The following MAST4 variants were observed in gnomAD, a reference collection of about 807,000 sequenced individuals.
MAST4 encodes microtubule associated serine/threonine kinase family member 4.
Under a neutral mutation model 162.7 loss-of-function variants are expected in MAST4, and 89 were observed. The observed-to-expected ratio is 0.55, with a 90% CI of 0.46 to 0.65. MAST4 has a LOEUF of 0.65. MAST4 is among the 30% of genes least tolerant of loss of function. MAST4 has a pLI of 0.00. For synonymous variants in MAST4, 1,479 were observed against 1,361.1 expected (o/e 1.09, Z -1.91); for missense variants, 3,153 against 3,374.0 (o/e 0.93, Z 1.62).
At chr5:66,774,931 G>A (rs2149645771) in intron 2 of MAST4, among the ~76,000 whole-genome samples, 1 of 152,100 alleles carries the variant, frequency 6.6e-6, no homozygotes, top group Non-Finnish European at 1.5e-5. Flanking sequence ...CATAGGTACA[G>A]GCATGGTATG....
chr5:66,806,895 T>A (rs1459363112), intron 3 of MAST4, among the ~76,000 whole-genome samples: 1 of 152,166 alleles, frequency 6.6e-6, no homozygotes, highest in East Asian at 1.9e-4. Context: ...TTTGGCTTTC[T>A]CTCTAACCCC....
chr5:66,700,308 A>G (rs928346649), intron 1 of MAST4, among the ~76,000 whole-genome samples: 2 of 152,190 alleles, frequency 1.3e-5, no homozygotes, highest in Admixed American at 6.5e-5. Context: ...TTATCACTCC[A>G]TTGTAACCCC....
intron 24 of MAST4, among the ~76,000 whole-genome samples, chr5:67,151,383 C>T (rs1439197874): frequency 1.3e-5 from 2 of 152,178 alleles, no homozygotes; most frequent in African/African-American, 4.8e-5. Context: ...TCTGCAGCCT[C>T]TTGTATAAGG....
intron 1 of MAST4, among the ~76,000 whole-genome samples, chr5:66,739,275 G>C (rs1047945918): frequency 3.9e-5 from 6 of 152,116 alleles, no homozygotes; most frequent in Admixed American, 2.6e-4. Context: ...TCCTTCCTTA[G>C]AGGACACCCA....
rs530265181 is a variant in MAST4, at chr5:67,036,171, A to G, written c.675-18233A>G. Among the ~76,000 whole-genome samples, 71 of 152,316 alleles carry G rather than the reference A, an allele frequency of 4.7e-4. No individual in the cohort carries two copies. The South Asian group carries it at 0.014, about 31-fold the overall frequency. On this transcript the variant is annotated intron_variant, in intron 4 of 28. Transcript: ENST00000403625. ...AAAATACTTTTCATTCTCTTCCTGC[A>G]GAAAGAATACCACAAATTAGTATCT...
At chr5:67,048,009 G>A (rs1052769308) in intron 4 of MAST4, among the ~76,000 whole-genome samples, 15 of 152,210 alleles carry the variant, frequency 9.9e-5, no homozygotes, top group African/African-American at 3.6e-4. Context: ...ACAACAGAAT[G>A]TAGGCAAAAA....
Position 66,935,775 on chromosome 5 carries a change from C to A in MAST4, c.674+35793C>A, listed in dbSNP as rs571685165. Among the ~76,000 whole-genome samples, 3 of 151,854 alleles carry A rather than the reference C, an allele frequency of 2.0e-5. No homozygotes were observed. The South Asian group carries it at 6.2e-4, about 32-fold the overall frequency. On this transcript the variant is annotated intron_variant, in intron 4 of 28. Coordinates refer to ENST00000403625, the MANE Select transcript of MAST4 (RefSeq NM_001164664.2). ...CTCCGCCTCCCGGGTTCAAGCAATT[C>A]TCCTGCCTCAGCCTCCCAAGTAGCT...
chr5:66,999,842 T>C (rs1751080037), intron 4 of MAST4, among the ~76,000 whole-genome samples: 1 of 152,220 alleles, frequency 6.6e-6, no homozygotes, highest in Non-Finnish European at 1.5e-5. Flanking sequence ...GCCTATTATC[T>C]GTCTTAGTTT....
chr5:66,891,367 T>C (rs1484191694), intron 3 of MAST4, among the ~76,000 whole-genome samples: 1 of 152,184 alleles, frequency 6.6e-6, no homozygotes, highest in African/African-American at 2.4e-5. Context: ...TCCTTGTTCC[T>C]GGCCCTCAGC....
intron 6 of MAST4, among the ~76,000 whole-genome samples, chr5:67,092,712 A>G (rs1333078169): frequency 6.6e-6 from 1 of 152,200 alleles, no homozygotes; most frequent in Non-Finnish European, 1.5e-5. Flanking sequence ...GTTATTATGC[A>G]CTAGGTTGAA....
chr5:67,143,247 C>T (rs887034254), intron 21 of MAST4, among the ~76,000 whole-genome samples: 2 of 147,972 alleles, frequency 1.4e-5, no homozygotes, highest in African/African-American at 5.0e-5. Context: ...ATAGTGAGAC[C>T]CCGTTCTCCA....
At chr5:66,671,127 G>A (rs1468812152) in intron 1 of MAST4, among the ~76,000 whole-genome samples, 1 of 152,044 alleles carries the variant, frequency 6.6e-6, no homozygotes. Context: ...CACAGTTTTT[G>A]TATTTTTTTA....
In MAST4 at chr5:66,913,490, T is replaced by A. The variant is rs539782897; in HGVS notation, c.674+13508T>A. ...AGTTGTTTTGCTAAGTAATATCCTA[T>A]TGAATGACTGTGTCAGTTTCATTAG... On this transcript the variant is annotated intron_variant, in intron 4 of 28. Transcript: ENST00000403625. Among the ~76,000 whole-genome samples, 454 of 152,336 alleles carry A rather than the reference T, an allele frequency of 3.0e-3. 1 individual carries two copies. Among genetic ancestry groups the A allele is most frequent in the African/African-American group, 0.01 (417 of 41,568 alleles).
intron 3 of MAST4, among the ~76,000 whole-genome samples, chr5:66,844,557 A>T (rs971526887): frequency 6.6e-6 from 1 of 151,966 alleles, no homozygotes; most frequent in East Asian, 1.9e-4. Context: ...TTTGTTGTGC[A>T]TTTTTGCTTT....
At chr5:66,748,447 C>A (rs1752919125) in intron 1 of MAST4, among the ~76,000 whole-genome samples, 1 of 127,782 alleles carries the variant, frequency 7.8e-6, no homozygotes, top group Non-Finnish European at 1.7e-5. Flanking sequence ...CTCCCTCTCT[C>A]CCTCACTCCC....
At chr5:67,040,452 T>C (rs529314153) in intron 4 of MAST4, among the ~76,000 whole-genome samples, 6 of 152,260 alleles carry the variant, frequency 3.9e-5, no homozygotes, top group Admixed American at 3.9e-4. Flanking sequence ...AGCGTCTATA[T>C]CGTGTCCACA....
rs145706474 is a variant in MAST4, at chr5:66,703,753, A to C, written c.364-55956A>C. Among the ~76,000 whole-genome samples the C allele has an allele frequency of 1.1e-3, 171 of 152,314 alleles. 1 individual carries two copies. Among genetic ancestry groups the C allele is most frequent in the African/African-American group, 4.0e-3 (165 of 41,578 alleles). The stretch of plus-strand genomic sequence containing the variant: ...ATTCTTAGGCATGTCCAAGGTTCGG[A>C]AATAGTCATTAAGCTAGTATACAGG... On this transcript the variant is annotated intron_variant, in intron 1 of 28. Transcript: ENST00000403625.
At chr5:67,129,592 C>T (rs938865338) in intron 14 of MAST4, among the ~76,000 whole-genome samples, 6 of 151,826 alleles carry the variant, frequency 4.0e-5, no homozygotes, top group African/African-American at 1.2e-4. Context: ...GGCATGGTGG[C>T]GTGCACCTGT....
chr5:67,127,670 T>G (rs962373675), intron 14 of MAST4, among the ~76,000 whole-genome samples: 1 of 152,184 alleles, frequency 6.6e-6, no homozygotes. Flanking sequence ...TTTTCTGTGC[T>G]CCTTTATATA....
Sources: allele counts gnomAD v4.1 joint callset (sites outside exome capture counted in the v4.1 genomes callset), GRCh38; gene constraint gnomAD v4.1.1; transcripts MANE v1.5; gene names NCBI Gene and HGNC (gene_info 2026-07-23, HGNC 2026-07-21).